PDE4D: variants seen among roughly 807,000 people sequenced by gnomAD.
PDE4D encodes 3',5'-cyclic-AMP phosphodiesterase 4D.
Under a neutral mutation model 87.4 loss-of-function variants are expected in PDE4D, and 24 were observed. That is an observed-to-expected ratio of 0.27 (90% CI 0.20 to 0.39). The LOEUF is 0.39. PDE4D is among the 10% of genes least tolerant of loss of function. PDE4D has a pLI of 1.00. For synonymous variants in PDE4D, 384 were observed against 383.2 expected (o/e 1.00, Z -0.02); for missense variants, 714 against 1,041.0 (o/e 0.69, Z 4.32).
chr5:60,364,481 T>A (rs989449932), intron 1 of PDE4D, among the ~76,000 whole-genome samples: 26 of 152,346 alleles, frequency 1.7e-4, no homozygotes, highest in African/African-American at 6.3e-4. Context: ...ATTAAATAAC[T>A]TATTTAATTG....
chr5:59,921,595 G>T (rs776427821), intron 3 of PDE4D, among the ~76,000 whole-genome samples: 1 of 152,216 alleles, frequency 6.6e-6, no homozygotes, highest in East Asian at 1.9e-4. Context: ...GCTGGTTGCT[G>T]GTTAAATACT....
intron 1 of PDE4D, among the ~76,000 whole-genome samples, chr5:59,231,776 A>T (rs1173143615): frequency 1.3e-5 from 2 of 152,122 alleles, no homozygotes; most frequent in Non-Finnish European, 2.9e-5. Flanking sequence ...CCACCTTCAC[A>T]CTTCATTTAG....
At chr5:60,505,343 C>G (rs1023664744) in intron 1 of PDE4D, among the ~76,000 whole-genome samples, 10 of 152,142 alleles carry the variant, frequency 6.6e-5, no homozygotes, top group Admixed American at 6.6e-4. Context: ...CCATTTTCAC[C>G]ATATCTCTTT....
chr5:60,487,490 C>T (rs12188950), intron 1 of PDE4D, among the ~76,000 whole-genome samples: 19,317 of 152,186 alleles, frequency 0.13, 1,322 homozygotes, highest in Non-Finnish European at 0.16. Context: ...TCTCCTGTTA[C>T]TGTGCCCTAT....
chr5:59,148,854 C>A (rs532039127), intron 5 of PDE4D, among the ~76,000 whole-genome samples: 1 of 151,538 alleles, frequency 6.6e-6, no homozygotes, highest in South Asian at 2.1e-4. Flanking sequence ...AGAAAAAAGT[C>A]TTTCCACTAC....
At chr5:59,928,711 C>T (rs1755556125) in intron 3 of PDE4D, among the ~76,000 whole-genome samples, 1 of 152,022 alleles carries the variant, frequency 6.6e-6, no homozygotes, top group Non-Finnish European at 1.5e-5. Flanking sequence ...CCACTAATCT[C>T]CTGTCCTACT....
intron 2 of PDE4D, among the ~76,000 whole-genome samples, chr5:60,159,008 A>T (rs1782243855): frequency 6.6e-6 from 1 of 152,192 alleles, no homozygotes; most frequent in South Asian, 2.1e-4. Context: ...AAACACCAAC[A>T]TATTTTACAA....
intron 1 of PDE4D, among the ~76,000 whole-genome samples, chr5:59,433,193 T>C (rs994335684): frequency 1.3e-5 from 2 of 152,200 alleles, no homozygotes; most frequent in East Asian, 3.9e-4. Flanking sequence ...ACATAAGAAT[T>C]TCCTAGGAGG....
chr5:59,813,445 T>TACAC (rs35313403), intron 1 of PDE4D, among the ~76,000 whole-genome samples: 2,052 of 143,142 alleles, frequency 0.014, 19 homozygotes, highest in Non-Finnish European at 0.02. Flanking sequence ...CATACACTTG[T>TACAC]ACACACACAC....
chr5:60,463,952 C>T (rs938363952), intron 1 of PDE4D, among the ~76,000 whole-genome samples: 10 of 152,132 alleles, frequency 6.6e-5, no homozygotes, highest in African/African-American at 2.4e-4. Flanking sequence ...TTTTTATGGA[C>T]AGTCTTTAGT....
intron 2 of PDE4D, 57 bp from the exon 3 acceptor site, chr5:59,193,593 CG>C (rs1267147242): frequency 6.3e-7 from 1 of 1,597,324 alleles, no homozygotes; most frequent in Non-Finnish European, 8.5e-7. Context: ...TGCTCAGTGT[CG>C]TTCAATATTA....
At chr5:59,401,495 C>T (rs940130421) in intron 1 of PDE4D, among the ~76,000 whole-genome samples, 2 of 86,034 alleles carry the variant, frequency 2.3e-5, no homozygotes, top group Non-Finnish European at 5.0e-5. Flanking sequence ...TATTTTGATC[C>T]CATGGGGGAG....
At chr5:60,015,255 G>C (rs1765396515) in intron 2 of PDE4D, among the ~76,000 whole-genome samples, 1 of 152,168 alleles carries the variant, frequency 6.6e-6, no homozygotes, top group Non-Finnish European at 1.5e-5. Context: ...TTCTGAAAAG[G>C]GACAAGAAGT....
At chr5:59,771,048 C>T (rs149136791) in intron 1 of PDE4D, among the ~76,000 whole-genome samples, 3,428 of 152,016 alleles carry the variant, frequency 0.023, 104 homozygotes, top group African/African-American at 0.068. Context: ...GGGAGGATTG[C>T]TTGAGCCTGG....
At chr5:59,112,630 G>A (rs1772863223) in intron 5 of PDE4D, among the ~76,000 whole-genome samples, 1 of 152,060 alleles carries the variant, frequency 6.6e-6, no homozygotes, top group African/African-American at 2.4e-5. Flanking sequence ...AAAAAGAGTA[G>A]ACACAGGGAT....
chr5:60,484,892 G>A (rs1400920518), intron 1 of PDE4D, among the ~76,000 whole-genome samples: 1 of 152,150 alleles, frequency 6.6e-6, no homozygotes, highest in Non-Finnish European at 1.5e-5. Flanking sequence ...TCATTGTGAT[G>A]TGGATATTCA....
intron 2 of PDE4D, among the ~76,000 whole-genome samples, chr5:60,071,111 T>G (rs932111828): frequency 2.0e-5 from 3 of 152,016 alleles, no homozygotes; most frequent in African/African-American, 7.2e-5. Context: ...CAATTTAGTT[T>G]ATATTTATAA....
At chr5:59,226,112 A>G (rs1271279621) in intron 1 of PDE4D, among the ~76,000 whole-genome samples, 1 of 152,140 alleles carries the variant, frequency 6.6e-6, no homozygotes, top group Non-Finnish European at 1.5e-5. Flanking sequence ...AAAATTAAAA[A>G]CAGAACTACC....
At chr5:60,249,996 A>C (rs1562258267) in intron 1 of PDE4D, among the ~76,000 whole-genome samples, 1 of 151,944 alleles carries the variant, frequency 6.6e-6, no homozygotes, top group Non-Finnish European at 1.5e-5. Context: ...CTTGAATTTT[A>C]TTGTTAAAAA....
Sources: allele counts gnomAD v4.1 joint callset (sites outside exome capture counted in the v4.1 genomes callset), GRCh38; gene constraint gnomAD v4.1.1; transcripts MANE v1.5; gene names NCBI Gene and HGNC (gene_info 2026-07-23, HGNC 2026-07-21).